The following FBXL7 variants were observed in gnomAD, a reference collection of about 807,000 sequenced individuals.
FBXL7 encodes F-box and leucine rich repeat protein 7.
Under a neutral mutation model 38.3 loss-of-function variants are expected in FBXL7, and 12 were observed. That is an observed-to-expected ratio of 0.31 (90% CI 0.20 to 0.51). The LOEUF (loss-of-function observed/expected upper bound fraction) is 0.51, where lower values mean the gene tolerates loss of function less well. Among genes scored for constraint, FBXL7 ranks in the 20% least tolerant of loss-of-function variants. The pLI is 0.98. For synonymous variants in FBXL7, 297 were observed against 300.9 expected (o/e 0.99, Z 0.13); for missense variants, 567 against 676.4 (o/e 0.84, Z 1.79).
intron 2 of FBXL7, among the ~76,000 whole-genome samples, chr5:15,770,331 G>A (rs1360096586): frequency 6.6e-6 from 1 of 152,176 alleles, no homozygotes; most frequent in African/African-American, 2.4e-5. Context: ...ATGTCAGCCA[G>A]TTCTTGCCAA....
chr5:15,903,958 A>C (rs1741294556), intron 2 of FBXL7, among the ~76,000 whole-genome samples: 1 of 152,052 alleles, frequency 6.6e-6, no homozygotes. Context: ...ATGGTAAGGG[A>C]AGGGAAGAAA....
At chr5:15,611,375 T>G (rs1324052569) in intron 1 of FBXL7, among the ~76,000 whole-genome samples, 1 of 150,568 alleles carries the variant, frequency 6.6e-6, no homozygotes, top group Non-Finnish European at 1.5e-5. Context: ...GACCCCCAAG[T>G]GTAGTGTTGA....
intron 2 of FBXL7, among the ~76,000 whole-genome samples, chr5:15,626,050 G>GATTA: frequency 6.6e-6 from 1 of 152,194 alleles, no homozygotes; most frequent in Non-Finnish European, 1.5e-5. Context: ...GGTGATGACT[G>GATTA]ATTATTATAA....
At chr5:15,743,802 T>C (rs7720498) in intron 2 of FBXL7, among the ~76,000 whole-genome samples, 111,436 of 152,190 alleles carry the variant, frequency 0.73, 41,151 homozygotes, top group East Asian at 0.88. Flanking sequence ...CATACATCCT[T>C]TGAAATCTAG....
chr5:15,520,147 C>G (rs1737058972), intron 1 of FBXL7, among the ~76,000 whole-genome samples: 1 of 152,160 alleles, frequency 6.6e-6, no homozygotes, highest in African/African-American at 2.4e-5. Flanking sequence ...AGAGGTCACT[C>G]TTGTGGCCAT....
At chr5:15,622,453 A>C (rs1378168128) in intron 2 of FBXL7, among the ~76,000 whole-genome samples, 5 of 152,002 alleles carry the variant, frequency 3.3e-5, no homozygotes, top group Non-Finnish European at 5.9e-5. Context: ...CACCCGACAC[A>C]GGCCCCGGTG....
intron 2 of FBXL7, among the ~76,000 whole-genome samples, chr5:15,646,115 A>T (rs989413840): frequency 6.7e-6 from 1 of 150,294 alleles, no homozygotes; most frequent in Non-Finnish European, 1.5e-5. Context: ...AGTGGGGATA[A>T]TAGTATATGT....
intron 2 of FBXL7, among the ~76,000 whole-genome samples, chr5:15,717,972 A>T (rs1179727780): frequency 6.6e-6 from 1 of 152,182 alleles, no homozygotes; most frequent in African/African-American, 2.4e-5. Flanking sequence ...ATGTTGAATT[A>T]TTATATGTTA....
At chr5:15,882,207 T>C (rs1740484382) in intron 2 of FBXL7, among the ~76,000 whole-genome samples, 1 of 152,146 alleles carries the variant, frequency 6.6e-6, no homozygotes, top group African/African-American at 2.4e-5. Flanking sequence ...TAATATGAGA[T>C]TTGGGCAGGA....
chr5:15,672,557 C>CT lies in FBXL7; in HGVS notation c.127+56502dup, dbSNP rs35987843. ...TCAAATATGATTTTGTAATCTTTTTCTTTTTTTTTTTTTTTTTGAGATGAA... is the reference window on the plus strand; with the variant it reads ...TCAAATATGATTTTGTAATCTTTTTCTTTTTTTTTTTTTTTTTTGAGATGAA... On this transcript the variant is annotated intron_variant, in intron 2 of 3. Transcript: ENST00000504595. 9.2e-3 allele frequency among the ~76,000 whole-genome samples: 1,248 copies of CT among 135,122 alleles called. 17 individuals are homozygous for CT. The highest frequency in any genetic ancestry group is 0.078 in the East Asian group (356 of 4,580). The allele number at this position is 135,122 out of a possible 152,430, so 88.6% of individuals were successfully genotyped here.
intron 2 of FBXL7, among the ~76,000 whole-genome samples, chr5:15,879,238 A>G (rs917338951): frequency 1.3e-5 from 2 of 152,246 alleles, no homozygotes; most frequent in African/African-American, 4.8e-5. Context: ...GGCCAGAAGA[A>G]ATCCTTAAAG....
intron 2 of FBXL7, among the ~76,000 whole-genome samples, chr5:15,643,166 A>G (rs905324136): frequency 5.3e-5 from 8 of 152,198 alleles, no homozygotes; most frequent in Non-Finnish European, 1.0e-4. Flanking sequence ...CTCTAGCGAC[A>G]AGAGTCCCAA....
rs60782876 is a variant in FBXL7 at position 15,835,161 on chromosome 5, T to C, written c.128-92729T>C. On this transcript the variant is annotated intron_variant, in intron 2 of 3. Coordinates refer to ENST00000504595, the MANE Select transcript of FBXL7 (RefSeq NM_012304.5). The stretch of plus-strand genomic sequence containing the variant: ...TGCTCTGCCCTTTTAGTAAATATTC[T>C]GATGAATGCTATAATTTTTAAGGAA... Among the ~76,000 whole-genome samples the C allele has an allele frequency of 9.3e-3, 1,415 of 152,294 alleles. 26 individuals carry two copies. Among genetic ancestry groups the C allele is most frequent in the African/African-American group, 0.033 (1,352 of 41,574 alleles).
intron 2 of FBXL7, among the ~76,000 whole-genome samples, chr5:15,823,743 A>T (rs1738233427): frequency 6.6e-6 from 1 of 152,046 alleles, no homozygotes; most frequent in Non-Finnish European, 1.5e-5. Context: ...ACGTGAGACC[A>T]TCTCAAATGT....
chr5:15,791,390 CTG>C (rs958293563), intron 2 of FBXL7, among the ~76,000 whole-genome samples: 1 of 152,126 alleles, frequency 6.6e-6, no homozygotes, highest in African/African-American at 2.4e-5. Flanking sequence ...CAAATAAAAA[CTG>C]TTTCATGTCC....
chr5:15,519,469 C>A lies in FBXL7; in HGVS notation c.37+18756C>A, dbSNP rs868763290. On this transcript the variant is annotated intron_variant, in intron 1 of 3. Coordinates refer to ENST00000504595, the MANE Select transcript of FBXL7 (RefSeq NM_012304.5). ...CAAAAAAAAAAAACAAACAAACAAA[C>A]AAAAAAAACTTGTTGAAATTAATTT... Among the ~76,000 whole-genome samples, 893 of 148,276 alleles carry A rather than the reference C, an allele frequency of 6.0e-3. 11 individuals are homozygous for A. The highest frequency in any genetic ancestry group is 0.021 in the African/African-American group (832 of 39,012).
At position 15,928,974 on chromosome 5, in the gene FBXL7, C is replaced by T. The variant is rs1242817354; in HGVS notation, c.739+473C>T. ...TCAGAGCAACCATAGATAGTGCAAA[C>T]AGGGTATCTAAGTGTAGAGAAATAG... On this transcript the variant is annotated intron_variant, in intron 3 of 3. Transcript: ENST00000504595. This position sits in a 1 kb window ranked among gnomAD's most constrained non-coding sequence, Gnocchi z 4.0. Among the ~76,000 whole-genome samples the T allele has an allele frequency of 1.3e-5, 2 of 152,162 alleles. No individual in the cohort carries two copies. The highest frequency in any genetic ancestry group is 4.8e-5 in the African/African-American group (2 of 41,444).
intron 1 of FBXL7, among the ~76,000 whole-genome samples, chr5:15,542,104 A>G (rs1469411243): frequency 1.3e-5 from 2 of 152,110 alleles, no homozygotes; most frequent in East Asian, 1.9e-4. Context: ...GTGTCAGGTA[A>G]TACTCTTTAA....
intron 2 of FBXL7, among the ~76,000 whole-genome samples, chr5:15,796,622 T>G (rs1032913623): frequency 1.1e-4 from 17 of 152,168 alleles, no homozygotes; most frequent in African/African-American, 4.1e-4. Context: ...GTCAAAGCAG[T>G]CAGGTTTTAT....
Sources: gnomAD v4.1 joint callset for allele counts (sites outside exome capture counted in the v4.1 genomes callset) on GRCh38, gnomAD v4.1.1 for gene constraint, Gnocchi (gnomAD v3.1) non-coding constraint, MANE v1.5 for transcripts, NCBI Gene and HGNC (gene_info 2026-07-23, HGNC 2026-07-21) for gene names.